The following CAMTA1 variants were observed in gnomAD, a reference collection of about 807,000 sequenced individuals.
CAMTA1 encodes the protein calmodulin binding transcription activator 1.
A neutral mutation model predicts 170.9 loss-of-function variants in CAMTA1; 27 were observed. The ratio of observed to expected loss-of-function variants is 0.16; its 90% confidence interval spans 0.12 to 0.22. CAMTA1 has a LOEUF of 0.22. CAMTA1 is among the 10% of genes least tolerant of loss of function. The pLI is 1.00. For synonymous variants in CAMTA1, 833 were observed against 891.5 expected, an observed-to-expected ratio of 0.93 and a Z score of 1.17; for missense variants, 1,619 against 2,217.2, an observed-to-expected ratio of 0.73 and a Z score of 5.42.
chr1:6,955,742 T>G (rs1265455939), intron 3 of CAMTA1, among the ~76,000 whole-genome samples: 1 of 152,156 alleles, frequency 6.6e-6, no homozygotes, highest in Non-Finnish European at 1.5e-5. Flanking sequence ...TGAGCCCCAC[T>G]GAGCTCTGAT....
At chr1:7,715,317 G>A (rs932166432) in intron 11 of CAMTA1, among the ~76,000 whole-genome samples, 1 of 152,090 alleles carries the variant, frequency 6.6e-6, no homozygotes, top group Non-Finnish European at 1.5e-5. Context: ...GGCTATTAAC[G>A]TTTTGTTCCA....
At chr1:7,343,906 C>G (rs7513440) in intron 5 of CAMTA1, among the ~76,000 whole-genome samples, 30,377 of 152,166 alleles carry the variant, frequency 0.2, 3,836 homozygotes, top group East Asian at 0.56. Context: ...GTGTAATATT[C>G]CCCCGTGGGT....
chr1:7,274,576 TCAAA>T (rs1482805759), intron 5 of CAMTA1, among the ~76,000 whole-genome samples: 2 of 152,078 alleles, frequency 1.3e-5, no homozygotes, highest in African/African-American at 4.8e-5. Context: ...GATAACACTA[TCAAA>T]CAACTCGATC....
In CAMTA1 at chr1:7,563,073, C is replaced by T. The variant is rs757442701; in HGVS notation, c.511-77327C>T. On this transcript the variant is annotated intron_variant, in intron 6 of 22. Coordinates refer to ENST00000303635, the MANE Select transcript of CAMTA1 (RefSeq NM_015215.4). Reference sequence around the variant, plus strand: ...TGCTGGGACTTTTGTGGCCTTTGGACGCCCACCAGCCCCTCCCCAGCCCCA... The same window carrying T: ...TGCTGGGACTTTTGTGGCCTTTGGATGCCCACCAGCCCCTCCCCAGCCCCA... 1.7e-4 allele frequency among the ~76,000 whole-genome samples: 26 copies of T among 152,312 alleles called. 1 individual carries two copies. Among genetic ancestry groups the T allele is most frequent in the South Asian group, 1.4e-3 (7 of 4,830 alleles).
chr1:7,481,105 C>T (rs1279700017), intron 6 of CAMTA1, among the ~76,000 whole-genome samples: 1 of 152,138 alleles, frequency 6.6e-6, no homozygotes, highest in Non-Finnish European at 1.5e-5. Context: ...CTCTCTTCTG[C>T]TTCCCAACCC....
chr1:7,700,017 G>A (rs954917726), intron 11 of CAMTA1, among the ~76,000 whole-genome samples: 9 of 152,156 alleles, frequency 5.9e-5, no homozygotes, highest in Non-Finnish European at 1.3e-4. Flanking sequence ...AAGCAAAGAG[G>A]TTTTCAATTT....
At chr1:6,910,495 C>T (rs1193770920) in intron 3 of CAMTA1, among the ~76,000 whole-genome samples, 3 of 152,176 alleles carry the variant, frequency 2.0e-5, no homozygotes, top group Admixed American at 2.0e-4. Flanking sequence ...AGGCTCAGCT[C>T]ATTTTTTGAG....
intron 5 of CAMTA1, among the ~76,000 whole-genome samples, chr1:7,452,055 A>C (rs1047848060): frequency 9.8e-5 from 15 of 152,338 alleles, no homozygotes; most frequent in African/African-American, 3.4e-4. Flanking sequence ...TACACAGAAC[A>C]CCAGGCCGGG....
At chr1:6,803,367 T>C (rs1644118515) in intron 1 of CAMTA1, among the ~76,000 whole-genome samples, 1 of 152,222 alleles carries the variant, frequency 6.6e-6, no homozygotes, top group African/African-American at 2.4e-5. Flanking sequence ...TGGCTGCCTG[T>C]GTGCACAGTC....
rs1184723954 is a variant in CAMTA1, at chr1:6,934,215, G to C, written c.234+109005G>C. Among the ~76,000 whole-genome samples the C allele has an allele frequency of 6.6e-6, 1 of 152,182 alleles. No homozygotes were observed. The highest frequency in any genetic ancestry group is 1.5e-5 in the Non-Finnish European group (1 of 68,026). On this transcript the variant is annotated intron_variant, in intron 3 of 22. Coordinates refer to ENST00000303635, the MANE Select transcript of CAMTA1 (RefSeq NM_015215.4). This position sits in a 1 kb window ranked among gnomAD's most constrained non-coding sequence, Gnocchi z 4.5. Reference sequence around the variant, plus strand: ...CAGAGACACTCTGCATTGACCTTAGGGTTTCAGGATGGGATGCTTTTGGCT... The same window carrying C: ...CAGAGACACTCTGCATTGACCTTAGCGTTTCAGGATGGGATGCTTTTGGCT...
intron 3 of CAMTA1, among the ~76,000 whole-genome samples, chr1:7,089,347 G>C (rs9434835): frequency 0.61 from 92,491 of 152,076 alleles, 29,639 homozygotes; most frequent in African/African-American, 0.83. Flanking sequence ...GTGCTCTTAA[G>C]TGTGTTACTA....
chr1:7,286,972 T>C lies in CAMTA1; in HGVS notation c.438+37346T>C, dbSNP rs751764818. ...CTGGAGCTACTCTTACCTCTATCAC[T>C]GTAAGTGTCAAAATTGTGATGGTCA... On this transcript the variant is annotated intron_variant, in intron 5 of 22. Coordinates refer to ENST00000303635, the MANE Select transcript of CAMTA1 (RefSeq NM_015215.4). This position sits in a 1 kb window ranked among gnomAD's most constrained non-coding sequence, Gnocchi z 4.2. Among the ~76,000 whole-genome samples the C allele has an allele frequency of 5.9e-5, 9 of 152,232 alleles. No homozygotes were observed. Among genetic ancestry groups the C allele is most frequent in the Non-Finnish European group, 1.0e-4 (7 of 68,038 alleles).
intron 11 of CAMTA1, among the ~76,000 whole-genome samples, chr1:7,703,691 C>T (rs1457952366): frequency 6.6e-6 from 1 of 152,244 alleles, no homozygotes; most frequent in South Asian, 2.1e-4. Context: ...ATCTATATAT[C>T]TATATCTATT....
chr1:7,091,212 A>G (rs1362768126), intron 3 of CAMTA1, 92 bp from the exon 4 acceptor site: 2 of 832,502 alleles, frequency 2.4e-6, no homozygotes, highest in African/African-American at 3.4e-5. Flanking sequence ...CGCAAATGAA[A>G]ACAGCAGCTG....
chr1:6,960,061 G>A (rs898508192), intron 3 of CAMTA1, among the ~76,000 whole-genome samples: 3 of 152,164 alleles, frequency 2.0e-5, no homozygotes, highest in African/African-American at 7.2e-5. Context: ...CCAGTCCCAG[G>A]TCACCAGGTA....
Position 7,673,235 on chromosome 1 carries a change from G to A in CAMTA1, c.2779+2198G>A, listed in dbSNP as rs1276313248. Among the ~76,000 whole-genome samples the A allele has an allele frequency of 6.6e-6, 1 of 152,222 alleles. No homozygotes were observed. The highest frequency in any genetic ancestry group is 2.4e-5 in the African/African-American group (1 of 41,454). On this transcript the variant is annotated intron_variant, in intron 10 of 22. Transcript: ENST00000303635. The surrounding 1 kb of genome is among the most constrained non-coding windows in gnomAD (Gnocchi z 4.6). ...AAGGCTGGGCTTTGTGTGGCCCCGG[G>A]GCTGGAGTCAGCCACACTCGGGTCC...
At chr1:6,815,149 A>G (rs1023601189) in intron 1 of CAMTA1, among the ~76,000 whole-genome samples, 15 of 151,524 alleles carry the variant, frequency 9.9e-5, no homozygotes, top group Middle Eastern at 3.2e-3. Flanking sequence ...ATTAGATAGT[A>G]TACTTTTTGA....
chr1:7,657,943 G>A (rs991850387), intron 7 of CAMTA1, among the ~76,000 whole-genome samples: 5 of 152,190 alleles, frequency 3.3e-5, no homozygotes, highest in Non-Finnish European at 7.3e-5. Context: ...GAGAGAATGC[G>A]GCTGCCGCAC....
intron 6 of CAMTA1, among the ~76,000 whole-genome samples, chr1:7,543,562 C>T (rs1324558178): frequency 4.6e-5 from 7 of 152,312 alleles, no homozygotes; most frequent in South Asian, 4.1e-4. Flanking sequence ...AGTTCCCGAA[C>T]GCTGAAAATG....
Sources: gnomAD v4.1 joint callset for allele counts (sites outside exome capture counted in the v4.1 genomes callset) on GRCh38, gnomAD v4.1.1 for gene constraint, Gnocchi (gnomAD v3.1) non-coding constraint, MANE v1.5 for transcripts, NCBI Gene and HGNC (gene_info 2026-07-23, HGNC 2026-07-21) for gene names.